UNC79: variants seen among roughly 807,000 people sequenced by gnomAD.
The protein encoded by UNC79 is protein unc-79 homolog.
Under a neutral mutation model 283.1 loss-of-function variants are expected in UNC79, and 37 were observed. The observed-to-expected ratio is 0.13, with a 90% CI of 0.10 to 0.17. UNC79 has a LOEUF of 0.17. Among genes scored for constraint, UNC79 ranks in the 10% least tolerant of loss-of-function variants. The probability of loss-of-function intolerance (pLI) is 1.00; values close to 1 mark genes in which losing one functional copy is unlikely to be tolerated. For missense variants in UNC79, 2,272 were observed against 3,211.1 expected (o/e 0.71, Z 7.07); for synonymous variants, 1,107 against 1,200.2 (o/e 0.92, Z 1.61).
intron 46 of UNC79, 30 bp from the exon 50 acceptor site, chr14:93,694,304 AT>A: frequency 6.3e-7 from 1 of 1,598,090 alleles, no homozygotes. Context: ...ATCACTGGAA[AT>A]GGAATTAACT....
In UNC79 at chr14:93,567,447, G is replaced by A. The variant is rs148373717; in HGVS notation, c.1756-4447G>A. Among the ~76,000 whole-genome samples the A allele has an allele frequency of 2.3e-3, 348 of 152,064 alleles. 1 individual carries two copies. The highest frequency in any genetic ancestry group is 3.4e-3 in the Middle Eastern group (1 of 292). On this transcript the variant is annotated intron_variant, in intron 14 of 48. Transcript: ENST00000555664. The stretch of plus-strand genomic sequence containing the variant: ...TCCCCATGTTGGGCAGGCTGGTCTC[G>A]AACACCTGACCTCAGGTGATCCACC...
chr14:93,347,416 A>T, intron 1 of UNC79: 1 of 1,473,044 alleles, frequency 6.8e-7, no homozygotes, highest in Non-Finnish European at 8.9e-7. Flanking sequence ...CCCAGCCATC[A>T]TGGTGGGCGG....
At chr14:93,561,082 T>C (rs1275934562) in intron 14 of UNC79, among the ~76,000 whole-genome samples, 2 of 152,182 alleles carry the variant, frequency 1.3e-5, no homozygotes, top group Non-Finnish European at 2.9e-5. Flanking sequence ...CAATAATTAC[T>C]GCTAATGTTT....
At position 93,637,200 on chromosome 14, in the gene UNC79, C is replaced by A. The variant is rs200226693; in HGVS notation, c.5717-16C>A. On this transcript the variant is annotated splice_polypyrimidine_tract_variant and intron_variant, in intron 31 of 48. Transcript: ENST00000555664. ...GATGACCACATCAAAGACTGAAACC[C>A]TCTATTTATCCACAGAACAGATACA... is the stretch of plus-strand genomic sequence containing the variant. The A allele has an allele frequency of 9.5e-7, 1 of 1,053,782 alleles. No homozygotes were observed. The highest frequency in any genetic ancestry group is 1.7e-5 in the Admixed American group (1 of 59,366). The allele number at this position is 1,053,782 out of a possible 1,614,324, so 65.3% of individuals were successfully genotyped here.
rs1471885046 is a variant in UNC79 at position 93,347,127 on chromosome 14, G to T, written c.-351+13604G>T. 1.0e-4 allele frequency: 90 copies of T among 880,692 alleles called. No homozygotes were observed. The East Asian group carries it at 2.4e-3, about 24-fold the overall frequency. The allele number at this position is 880,692 out of a possible 1,614,324, so 54.6% of individuals were successfully genotyped here. A position where few individuals can be genotyped will look rare whatever the true frequency, so the allele number is the denominator to read the frequency against. On this transcript the variant is annotated intron_variant, in intron 1 of 49. Transcript: ENST00000256339. The stretch of plus-strand genomic sequence containing the variant: ...GCAGGAGGTGCTGGGCAGAAGGGGT[G>T]GGGTAGGGGGCGAGGGCAGAGCGCC...
At chr14:93,677,457 A>G (rs991333619) in intron 41 of UNC79, among the ~76,000 whole-genome samples, 9 of 152,200 alleles carry the variant, frequency 5.9e-5, no homozygotes, top group Non-Finnish European at 1.0e-4. Flanking sequence ...ACTCCCATTT[A>G]TAAAACCATC....
chr14:93,459,709 C>T (rs370454523), intron 1 of UNC79, among the ~76,000 whole-genome samples: 59 of 92,942 alleles, frequency 6.3e-4, no homozygotes, highest in African/African-American at 2.4e-3. Flanking sequence ...CTCACTCTTT[C>T]GCCCAAGCTG....
chr14:93,428,942 C>T (rs1566928924), upstream of UNC79, among the ~76,000 whole-genome samples: 1 of 152,180 alleles, frequency 6.6e-6, no homozygotes, highest in Non-Finnish European at 1.5e-5. Flanking sequence ...TCCCTTAACT[C>T]AGTAACGGGA....
intron 1 of UNC79, among the ~76,000 whole-genome samples, chr14:93,357,831 ATATG>A (rs58210368): frequency 0.51 from 60,913 of 118,348 alleles, 18,640 homozygotes; most frequent in Admixed American, 0.63. Context: ...GGATATATGG[ATATG>A]TATATATATG....
intron 38 of UNC79, among the ~76,000 whole-genome samples, chr14:93,657,485 G>A (rs1386103251): frequency 1.3e-5 from 2 of 150,476 alleles, no homozygotes; most frequent in African/African-American, 4.9e-5. Context: ...CTGAGTAGCT[G>A]GGACTACAGG....
At chr14:93,631,022 C>A in intron 31 of UNC79, 114 bp downstream of exon 33, 1 of 979,810 alleles carries the variant, frequency 1.0e-6, no homozygotes, top group Non-Finnish European at 1.5e-6. Flanking sequence ...AATGTTGCAT[C>A]AGCTTCCTTG....
intron 1 of UNC79, among the ~76,000 whole-genome samples, chr14:93,402,290 A>G (rs1433842421): frequency 3.6e-5 from 5 of 139,318 alleles, no homozygotes; most frequent in Non-Finnish European, 6.0e-5. Context: ...AAAAAAAAAA[A>G]AAAAGAAAAG....
chr14:93,480,905 G>A (rs2058095940), intron 4 of UNC79, among the ~76,000 whole-genome samples: 1 of 152,146 alleles, frequency 6.6e-6, no homozygotes, highest in Non-Finnish European at 1.5e-5. Flanking sequence ...AAGACAAAAA[G>A]GCTTTTTGGT....
intron 32 of UNC79, 75 bp from the exon 36 acceptor site, chr14:93,641,070 A>C (rs2068985067): frequency 4.7e-6 from 6 of 1,275,818 alleles, no homozygotes; most frequent in Non-Finnish European, 6.6e-6. Context: ...AGGGTTTCTA[A>C]GAGGAGAACC....
At chr14:93,675,960 C>G (rs1046317990) in intron 41 of UNC79, among the ~76,000 whole-genome samples, 4 of 152,242 alleles carry the variant, frequency 2.6e-5, no homozygotes, top group Non-Finnish European at 5.9e-5. Context: ...TTGCATTTCT[C>G]TCTGTGGATT....
chr14:93,655,905 T>C (rs963316930), intron 38 of UNC79, among the ~76,000 whole-genome samples: 2 of 152,198 alleles, frequency 1.3e-5, no homozygotes, highest in Non-Finnish European at 2.9e-5. Context: ...ATTACCTACC[T>C]GGAAATCTGG....
At chr14:93,355,917 C>T (rs2054077008) in intron 1 of UNC79, among the ~76,000 whole-genome samples, 1 of 152,096 alleles carries the variant, frequency 6.6e-6, no homozygotes. Context: ...TCTCAGCTCT[C>T]AGATTAAATG....
At chr14:93,606,873 A>G (rs1305859043) in intron 26 of UNC79, among the ~76,000 whole-genome samples, 5 of 152,226 alleles carry the variant, frequency 3.3e-5, no homozygotes, top group African/African-American at 1.2e-4. Flanking sequence ...AATAAAATTC[A>G]TAGAATCTTA....
chr14:93,605,373 C>T (rs1415919094), intron 26 of UNC79, among the ~76,000 whole-genome samples: 2 of 152,218 alleles, frequency 1.3e-5, no homozygotes, highest in African/African-American at 2.4e-5. Flanking sequence ...GTCATCCGCT[C>T]ATCCCCTTAG....
Sources: allele counts gnomAD v4.1 joint callset (sites outside exome capture counted in the v4.1 genomes callset), GRCh38; gene constraint gnomAD v4.1.1; transcripts MANE v1.5; gene names NCBI Gene and HGNC (gene_info 2026-07-23, HGNC 2026-07-21).